Variants in CST7 observed in about 807,000 individuals in gnomAD.
CST7 encodes cystatin F.
A neutral mutation model predicts 13.1 loss-of-function variants in CST7; 15 were observed. That is an observed-to-expected ratio of 1.14 (90% confidence interval 0.77 to 1.76). CST7 has a LOEUF of 1.76. Ranked by LOEUF, CST7 falls within the 40% of genes most tolerant of loss-of-function variation. The probability of loss-of-function intolerance (pLI) is 0.00; values close to 1 mark genes in which losing one functional copy is unlikely to be tolerated. For missense variants in CST7, 193 were observed against 178.8 expected, an observed-to-expected ratio of 1.08 and a Z score of -0.45; for synonymous variants, 75 against 66.9, an observed-to-expected ratio of 1.12 and a Z score of -0.59.
chr20:24,957,206 TCA>T (rs1251914539), intron 1 of CST7, 79 bp from the exon 2 acceptor site: 1 of 1,430,258 alleles, frequency 7.0e-7, no homozygotes, highest in Non-Finnish European at 9.6e-7. Context: ...GAACTGAGCA[TCA>T]CAGAGGCATG....
At chr20:24,958,820 T>G in intron 2 of CST7, 108 bp from the exon 3 acceptor site, 1 of 801,794 alleles carries the variant, frequency 1.2e-6, no homozygotes, top group East Asian at 2.5e-5. Context: ...CCCACTTCCC[T>G]TCTCCTCGGT....
chr20:24,952,652 T>TG (rs540944477), intron 1 of CST7, among the ~76,000 whole-genome samples: 4 of 152,272 alleles, frequency 2.6e-5, no homozygotes, highest in Admixed American at 2.6e-4. Flanking sequence ...CTCTGGGTGA[T>TG]GGGGGCCGAT....
At chr20:24,950,962 A>T (rs1447350542) in intron 1 of CST7, among the ~76,000 whole-genome samples, 1 of 152,142 alleles carries the variant, frequency 6.6e-6, no homozygotes, top group African/African-American at 2.4e-5. Context: ...CCTGGGATCT[A>T]ATTAAACCTA....
intron 1 of CST7, among the ~76,000 whole-genome samples, chr20:24,953,014 T>C (rs1214195608): frequency 1.3e-5 from 2 of 152,220 alleles, no homozygotes; most frequent in Non-Finnish European, 1.5e-5. Flanking sequence ...GGGCCTATGC[T>C]CTGAGGACAG....
At chr20:24,957,038 A>ACAGGC (rs2087861001) in intron 1 of CST7, among the ~76,000 whole-genome samples, 4 of 2,546 alleles carry the variant, frequency 1.6e-3, no homozygotes, top group South Asian at 0.01. Flanking sequence ...GGAGCAGGTG[A>ACAGGC]GAGGGGGCAG....
At chr20:24,955,844 C>A (rs2087850497) in intron 1 of CST7, among the ~76,000 whole-genome samples, 1 of 152,170 alleles carries the variant, frequency 6.6e-6, no homozygotes, top group Admixed American at 6.5e-5. Flanking sequence ...ACACAGCTAT[C>A]CACCAGCACA....
At chr20:24,953,164 G>A (rs1386747553) in intron 1 of CST7, among the ~76,000 whole-genome samples, 7 of 152,224 alleles carry the variant, frequency 4.6e-5, no homozygotes, top group Non-Finnish European at 5.9e-5. Flanking sequence ...CGGGCACCCG[G>A]ACAGGACTTT....
intron 2 of CST7, among the ~76,000 whole-genome samples, chr20:24,957,681 G>C (rs1396842229): frequency 6.6e-6 from 1 of 152,146 alleles, no homozygotes; most frequent in Non-Finnish European, 1.5e-5. Context: ...CACGGCTCCT[G>C]GGTGGTTACC....
chr20:24,952,184 A>T (rs955767817), intron 1 of CST7, among the ~76,000 whole-genome samples: 1 of 152,240 alleles, frequency 6.6e-6, no homozygotes, highest in African/African-American at 2.4e-5. Flanking sequence ...AGTTTTGCAC[A>T]TCATTTATTG....
At position 24,955,051 on chromosome 20, in the gene CST7, AC is replaced by A. The variant is rs1482560892; in HGVS notation, c.71-2235del. Among the ~76,000 whole-genome samples, 3,061 of 80,494 alleles carry A rather than the reference AC, an allele frequency of 0.038. 131 individuals are homozygous for A. In the East Asian group the frequency reaches 0.5, roughly 13 times the overall value. The allele number at this position is 80,494 out of a possible 152,430, so 52.8% of individuals were successfully genotyped here. On this transcript the variant is annotated intron_variant, in intron 1 of 3. Transcript: ENST00000480798. ...GAAAGAAAGCAAAACAACAACAACA[AC>A]AACAAAAAAAAACGCTAATCTGACA...
At chr20:24,952,927 G>C (rs2087829085) in intron 1 of CST7, among the ~76,000 whole-genome samples, 1 of 151,198 alleles carries the variant, frequency 6.6e-6, no homozygotes, top group African/African-American at 2.4e-5. Context: ...AGGTGGGAAG[G>C]GTCTGCCTGG....
intron 1 of CST7, among the ~76,000 whole-genome samples, chr20:24,955,983 C>T (rs2087851413): frequency 6.6e-6 from 1 of 152,200 alleles, no homozygotes; most frequent in Admixed American, 6.5e-5. Flanking sequence ...AAAGCCCAGC[C>T]ATGAAGCTCA....
At position 24,950,855 on chromosome 20, in the gene CST7, G is replaced by A. The variant is rs2087814818; in HGVS notation, c.70+1280G>A. Among the ~76,000 whole-genome samples, 4 of 152,180 alleles carry A rather than the reference G, an allele frequency of 2.6e-5. No homozygotes were observed. In the South Asian group the frequency reaches 8.3e-4, roughly 31 times the overall value. On this transcript the variant is annotated intron_variant, in intron 1 of 3. Transcript: ENST00000480798. ...GTCTCCAAGGTCCAAGGGGGAAGCA[G>A]GGAAGAGAGGCAAGTTCACTCCAGA...
At chr20:24,949,727 G>A (rs1261510668) in intron 1 of CST7, 152 bp downstream of exon 1, 51 of 1,050,958 alleles carry the variant, frequency 4.9e-5, no homozygotes, top group Non-Finnish European at 6.8e-5. Flanking sequence ...AGAGGGGCAA[G>A]GGGCTCCATC....
chr20:24,959,107 C>A (rs2087878669), intron 3 of CST7, 63 bp downstream of exon 3: 9 of 1,290,786 alleles, frequency 7.0e-6, no homozygotes, highest in Non-Finnish European at 1.0e-5. Flanking sequence ...CCTCCCAGGA[C>A]TGTGAAAAAC....
intron 1 of CST7, among the ~76,000 whole-genome samples, chr20:24,953,412 G>T (rs975378337): frequency 6.6e-6 from 1 of 152,186 alleles, no homozygotes; most frequent in Non-Finnish European, 1.5e-5. Flanking sequence ...TCCGTGGGGG[G>T]TTTCCAAACT....
intron 1 of CST7, among the ~76,000 whole-genome samples, chr20:24,951,382 C>T (rs941991535): frequency 2.0e-5 from 3 of 152,208 alleles, no homozygotes; most frequent in East Asian, 1.9e-4. Flanking sequence ...CTAGTGCAGG[C>T]CCTTCTGCCA....
At chr20:24,954,673 T>G (rs1294229202) in intron 1 of CST7, among the ~76,000 whole-genome samples, 1 of 152,220 alleles carries the variant, frequency 6.6e-6, no homozygotes, top group Admixed American at 6.5e-5. Context: ...AAACATGTAG[T>G]TAAATAAAAA....
intron 1 of CST7, among the ~76,000 whole-genome samples, chr20:24,957,005 G>GAA (rs1358706135): frequency 1.6e-4 from 1 of 6,388 alleles, no homozygotes; most frequent in African/African-American, 8.0e-4. Context: ...AGGTGAGGGG[G>GAA]CAGGTGAGGG....
Sources: allele counts gnomAD v4.1 joint callset (sites outside exome capture counted in the v4.1 genomes callset), GRCh38; gene constraint gnomAD v4.1.1; transcripts MANE v1.5; gene names NCBI Gene and HGNC (gene_info 2026-07-23, HGNC 2026-07-21).